LIPK: variants seen among roughly 807,000 people sequenced by gnomAD.
The protein encoded by LIPK is lipase member K.
Under a neutral mutation model 48.6 loss-of-function variants are expected in LIPK, and 32 were observed. The ratio of observed to expected loss-of-function variants is 0.66; its 90% CI spans 0.50 to 0.88. The LOEUF is 0.88. Ranked by LOEUF, LIPK falls within the 40% of genes least tolerant of loss-of-function variation. The pLI is 0.00. For missense variants in LIPK, 507 were observed against 478.5 expected (o/e 1.06, Z -0.56); for synonymous variants, 164 against 157.4 (o/e 1.04, Z -0.32).
chr10:88,733,589 G>C (rs2134746914), intron 6 of LIPK, among the ~76,000 whole-genome samples: 1 of 152,154 alleles, frequency 6.6e-6, no homozygotes, highest in South Asian at 2.1e-4. Context: ...TTGGTACTTG[G>C]GCCTCTTATA....
In LIPK at chr10:88,752,746, T is replaced by A. The variant is rs1221085415; in HGVS notation, c.1190T>A (p.Leu397Ter). 6.5e-7 allele frequency: 1 copy of A among 1,545,002 alleles called. No homozygotes were observed. Residue 397 changes from leucine (L) to a stop codon, truncating the protein, a stop_gained, in exon 10 of 10, where the codon TTA becomes TAA. Transcript: ENST00000404190. LOFTEE classifies it high-confidence loss of function. Reference sequence around the variant, plus strand: ...CTAATTATATTGATGGAAGAATATTTACAAAATTAAATGCACTTTACTTTC... The same window carrying A: ...CTAATTATATTGATGGAAGAATATTAACAAAATTAAATGCACTTTACTTTC... ...QDLIILMEEY[L>*]QN
intron 6 of LIPK, 120 bp downstream of exon 6, chr10:88,732,671 T>C: frequency 9.7e-7 from 1 of 1,026,134 alleles, no homozygotes; most frequent in South Asian, 1.7e-5. Context: ...ATTCAAGATA[T>C]CCATGTAAGT....
intron 1 of LIPK, among the ~76,000 whole-genome samples, chr10:88,722,250 G>A (rs143675932): frequency 6.6e-6 from 1 of 152,142 alleles, no homozygotes; most frequent in East Asian, 1.9e-4. Context: ...AGCCGGGGTC[G>A]CACCATTATA....
At chr10:88,752,217 C>G (rs1434096618) in intron 9 of LIPK, among the ~76,000 whole-genome samples, 2 of 152,110 alleles carry the variant, frequency 1.3e-5, no homozygotes, top group Non-Finnish European at 2.9e-5. Flanking sequence ...AGATCAAATG[C>G]TAACTAGAAA....
At chr10:88,741,197 AT>A (rs1386432021) in intron 8 of LIPK, among the ~76,000 whole-genome samples, 3 of 152,144 alleles carry the variant, frequency 2.0e-5, no homozygotes, top group African/African-American at 7.2e-5. Flanking sequence ...GTCATAGCAT[AT>A]TCTTTTATTT....
At chr10:88,739,125 TTG>T (rs1433651501) in intron 7 of LIPK, among the ~76,000 whole-genome samples, 1 of 152,100 alleles carries the variant, frequency 6.6e-6, no homozygotes, top group African/African-American at 2.4e-5. Flanking sequence ...GTTTTTGTTC[TTG>T]TGTGTGTTTG....
intron 5 of LIPK, 36 bp downstream of exon 5, chr10:88,732,323 G>A (rs376123797): frequency 3.8e-6 from 6 of 1,596,316 alleles, no homozygotes; most frequent in African/African-American, 1.4e-5. Context: ...AGAATGTCAG[G>A]GGCTCTTCTT....
chr10:88,711,754 C>A (rs943136375), intron 1 of LIPK, among the ~76,000 whole-genome samples: 7 of 152,110 alleles, frequency 4.6e-5, no homozygotes, highest in Non-Finnish European at 1.0e-4. Context: ...GGATTACAAG[C>A]GTGAGCCACT....
At chr10:88,717,106 C>T (rs1307752815) in intron 1 of LIPK, among the ~76,000 whole-genome samples, 1 of 152,132 alleles carries the variant, frequency 6.6e-6, no homozygotes, top group Non-Finnish European at 1.5e-5. Context: ...AGAGATCCCA[C>T]ATGTTTGATT....
rs764098686 is a variant in LIPK at position 88,752,734 on chromosome 10, T to C, written c.1178T>C (p.Met393Thr). Residue 393 changes from methionine to threonine, a missense_variant, in exon 10 of 10, where the codon ATG (methionine) becomes ACG (threonine). Met to Thr is a moderately conservative substitution (Grantham distance 81, BLOSUM62 -1). Coordinates refer to ENST00000404190, the MANE Select transcript of LIPK (RefSeq NM_001080518.2). ...ATTTACCAAGACCTAATTATATTGA[T>C]GGAAGAATATTTACAAAATTAAATG... ...QEIYQDLIIL[M>T]EEYLQN is the part of the protein sequence containing the mutation. 3 of 1,551,694 alleles carry C rather than the reference T, an allele frequency of 1.9e-6. No individual in the cohort carries two copies. Among genetic ancestry groups the C allele is most frequent in the Admixed American group, 1.9e-5 (1 of 52,176 alleles).
At position 88,752,637 on chromosome 10, in the gene LIPK, C is replaced by G; in HGVS notation, c.1081C>G (p.Leu361Val). 1 of 1,572,870 alleles carries G rather than the reference C, an allele frequency of 6.4e-7. No homozygotes were observed. Among genetic ancestry groups the G allele is most frequent in the Non-Finnish European group, 8.6e-7 (1 of 1,156,974 alleles). ...VENLLPQIANLIYYKLIPHYN... is the reference protein window; with the variant it reads ...VENLLPQIANVIYYKLIPHYN... ...AAATTTACTTCCTCAAATTGCTAAC[C>G]TTATTTATTACAAGCTGATTCCACA... The change falls in exon 10 of 10, where the codon CTT (leucine) becomes GTT (valine). Residue 361 changes from leucine to valine, a missense_variant. Leu to Val is a conservative substitution (Grantham distance 32). Transcript: ENST00000404190.
chr10:88,714,416 C>T lies in LIPK; in HGVS notation c.-12+8096C>T, dbSNP rs1037472121. Among the ~76,000 whole-genome samples, 57 of 152,104 alleles carry T rather than the reference C, an allele frequency of 3.7e-4. 1 individual carries two copies. The highest frequency in any genetic ancestry group is 1.4e-3 in the African/African-American group (57 of 41,436). On this transcript the variant is annotated intron_variant, in intron 1 of 9. Coordinates refer to ENST00000404190, the MANE Select transcript of LIPK (RefSeq NM_001080518.2). ...GGTTGTATGCTAACAACTTCAGGGA[C>T]ACATGAACAACTTCAGTGTTATAAC...
intron 3 of LIPK, chr10:88,727,582 C>T (rs432950): frequency 0.77 from 121,924 of 157,630 alleles, 48,238 homozygotes; most frequent in East Asian, 1. Context: ...CCTTCAGCAG[C>T]TGTTGGTACA....
intron 9 of LIPK, among the ~76,000 whole-genome samples, chr10:88,744,731 C>T (rs1590160272): frequency 1.3e-5 from 2 of 152,160 alleles, no homozygotes; most frequent in Admixed American, 1.3e-4. Context: ...GGCAAATGAC[C>T]TCTAAATGAC....
At chr10:88,746,670 A>G (rs1464162831) in intron 9 of LIPK, among the ~76,000 whole-genome samples, 4 of 152,198 alleles carry the variant, frequency 2.6e-5, no homozygotes, top group Non-Finnish European at 5.9e-5. Context: ...AAAGTTAGAA[A>G]GATCTCAAAT....
chr10:88,725,510 A>G (rs139694687), intron 2 of LIPK, among the ~76,000 whole-genome samples: 1 of 152,368 alleles, frequency 6.6e-6, no homozygotes, highest in African/African-American at 2.4e-5. Flanking sequence ...TGTAGCCCAC[A>G]ATTTATACAT....
rs569149243 is a variant in LIPK at position 88,743,578 on chromosome 10, G to A, written c.960+257G>A. Reference sequence around the variant, plus strand: ...GGTAGGTAAATTACCAGAGTTATTCGCTAGTAAACAACCAGAGACAGGGGC... The same window carrying A: ...GGTAGGTAAATTACCAGAGTTATTCACTAGTAAACAACCAGAGACAGGGGC... On this transcript the variant is annotated intron_variant, in intron 9 of 9. Transcript: ENST00000404190. Among the ~76,000 whole-genome samples, 51 of 92,810 alleles carry A rather than the reference G, an allele frequency of 5.5e-4. No homozygotes were observed. In the East Asian group the frequency reaches 0.017, roughly 31 times the overall value. The allele number at this position is 92,810 out of a possible 152,430, so 60.9% of individuals were successfully genotyped here.
intron 1 of LIPK, among the ~76,000 whole-genome samples, chr10:88,714,874 T>G (rs1467172819): frequency 6.6e-6 from 1 of 152,024 alleles, no homozygotes; most frequent in Non-Finnish European, 1.5e-5. Flanking sequence ...TATTATTTCC[T>G]CTTTATTATT....
At chr10:88,739,171 G>C (rs905577524) in intron 7 of LIPK, among the ~76,000 whole-genome samples, 1 of 97,020 alleles carries the variant, frequency 1.0e-5, no homozygotes, top group Admixed American at 1.2e-4. Context: ...TAAATATACC[G>C]ACTGAATTAA....
Sources: gnomAD v4.1 joint callset for allele counts (sites outside exome capture counted in the v4.1 genomes callset) on GRCh38, gnomAD v4.1.1 for gene constraint, MANE v1.5 for transcripts, NCBI Gene and HGNC (gene_info 2026-07-23, HGNC 2026-07-21) for gene names.